LAMC1: variants seen among roughly 807,000 people sequenced by gnomAD.
LAMC1 encodes laminin subunit gamma 1.
In LAMC1, 38 loss-of-function variants were observed where a neutral mutation model predicts 173.6. The observed-to-expected ratio is 0.22, with a 90% CI of 0.17 to 0.29. The LOEUF is 0.29. Ranked by LOEUF, LAMC1 falls within the 10% of genes least tolerant of loss-of-function variation. The pLI, the probability that LAMC1 is intolerant of heterozygous loss-of-function variation, is 1.00. For synonymous variants in LAMC1, 746 were observed against 749.1 expected, an observed-to-expected ratio of 1.00 and a Z score of 0.07; for missense variants, 1,824 against 2,051.8, an observed-to-expected ratio of 0.89 and a Z score of 2.14.
At chr1:183,069,388 CTT>C (rs1291728257) in intron 1 of LAMC1, among the ~76,000 whole-genome samples, 1 of 152,074 alleles carries the variant, frequency 6.6e-6, no homozygotes, top group Non-Finnish European at 1.5e-5. Flanking sequence ...ATATGTAAAA[CTT>C]AATTATTAAA....
At chr1:183,115,711 C>A in intron 6 of LAMC1, 74 bp downstream of exon 6, 1 of 991,514 alleles carries the variant, frequency 1.0e-6, no homozygotes. Context: ...GATCTTATGG[C>A]TTATTGGCAG....
chr1:183,037,104 G>A (rs1306717629), intron 1 of LAMC1, among the ~76,000 whole-genome samples: 1 of 152,220 alleles, frequency 6.6e-6, no homozygotes, highest in Admixed American at 6.5e-5. Context: ...TGGAAGACTT[G>A]TAGGTTTTGG....
chr1:183,080,662 A>G (rs1335607515), intron 1 of LAMC1, among the ~76,000 whole-genome samples: 3 of 151,164 alleles, frequency 2.0e-5, no homozygotes, highest in African/African-American at 7.3e-5. Context: ...TTTTTTCCAT[A>G]CTCAGTAGCT....
At chr1:183,055,114 G>A (rs1654550706) in intron 1 of LAMC1, among the ~76,000 whole-genome samples, 2 of 151,098 alleles carry the variant, frequency 1.3e-5, no homozygotes, top group South Asian at 2.1e-4. Context: ...TCAGCCTCCC[G>A]AGTAGCTGGG....
rs143980350 is a variant in LAMC1, at chr1:183,027,619, T to C, written c.418+3485T>C. Among the ~76,000 whole-genome samples the C allele has an allele frequency of 2.1e-3, 314 of 152,320 alleles. 3 individuals carry two copies. Among genetic ancestry groups the C allele is most frequent in the African/African-American group, 7.3e-3 (304 of 41,568 alleles). ...TCAAAGTTTATGAAACTCCTAAAAT[T>C]AACACTGAAACCAGATTAGTTTCCA... On this transcript the variant is annotated intron_variant, in intron 1 of 27. Transcript: ENST00000258341.
chr1:183,055,201 G>A (rs1014746862), intron 1 of LAMC1, among the ~76,000 whole-genome samples: 1 of 151,398 alleles, frequency 6.6e-6, no homozygotes, highest in African/African-American at 2.4e-5. Flanking sequence ...TGTTGGCCAG[G>A]CTGGTCTCGA....
chr1:183,130,005 T>C (rs1436222448), intron 18 of LAMC1, among the ~76,000 whole-genome samples: 6 of 152,248 alleles, frequency 3.9e-5, no homozygotes, highest in Non-Finnish European at 8.8e-5. Flanking sequence ...CTAAATTGCA[T>C]GTGCTGGTAT....
chr1:183,047,444 C>T (rs1654294379), intron 1 of LAMC1, among the ~76,000 whole-genome samples: 1 of 152,078 alleles, frequency 6.6e-6, no homozygotes, highest in African/African-American at 2.4e-5. Flanking sequence ...GCATTTTAAG[C>T]TCTTTTGTCT....
chr1:183,077,776 G>GTGTGTGTGTGTATA, intron 1 of LAMC1, among the ~76,000 whole-genome samples: 171 of 116,456 alleles, frequency 1.5e-3, no homozygotes, highest in South Asian at 3.9e-3. Flanking sequence ...TGGCCATTGT[G>GTGTGTGTGTGTATA]TATATATATA....
intron 1 of LAMC1, among the ~76,000 whole-genome samples, chr1:183,071,928 T>C (rs1192776492): frequency 1.3e-5 from 2 of 152,224 alleles, no homozygotes; most frequent in Non-Finnish European, 2.9e-5. Context: ...TGTCAACTTC[T>C]GAAACAATGA....
chr1:183,116,314 T>C (rs1402082516), intron 6 of LAMC1, among the ~76,000 whole-genome samples: 1 of 150,958 alleles, frequency 6.6e-6, no homozygotes, highest in East Asian at 2.0e-4. Flanking sequence ...CTGTCTCTAC[T>C]AAAAATACAA....
chr1:183,085,484 A>G lies in LAMC1; in HGVS notation c.419-17844A>G, dbSNP rs1655402465. On this transcript the variant is annotated intron_variant, in intron 1 of 27. Transcript: ENST00000258341. ...CTCAAGGGATCCTCCCACCTTAGCC[A>G]CCTGAGGAGCTCGGACCACAGGTGC... 2.6e-5 allele frequency among the ~76,000 whole-genome samples: 4 copies of G among 151,588 alleles called. No homozygotes were observed. The South Asian group carries it at 8.3e-4, about 32-fold the overall frequency.
chr1:183,030,202 T>C (rs983210479), intron 1 of LAMC1, among the ~76,000 whole-genome samples: 1 of 152,062 alleles, frequency 6.6e-6, no homozygotes, highest in Non-Finnish European at 1.5e-5. Flanking sequence ...AAGGGCAGAG[T>C]TGAGTAATAG....
At chr1:183,093,197 CAAT>C (rs1159748888) in intron 1 of LAMC1, among the ~76,000 whole-genome samples, 1 of 152,112 alleles carries the variant, frequency 6.6e-6, no homozygotes, top group Non-Finnish European at 1.5e-5. Flanking sequence ...TACCTGTCTC[CAAT>C]GCCCCCTTCC....
At chr1:183,113,099 C>G (rs1656210242) in intron 4 of LAMC1, among the ~76,000 whole-genome samples, 2 of 152,128 alleles carry the variant, frequency 1.3e-5, no homozygotes, top group African/African-American at 4.8e-5. Flanking sequence ...TCACTTGAGC[C>G]TGGGAGTTTG....
rs551434051 is a variant in LAMC1, at chr1:183,073,144, A to C, written c.419-30184A>C. Among the ~76,000 whole-genome samples the C allele has an allele frequency of 1.1e-4, 17 of 152,300 alleles. No individual in the cohort carries two copies. In the East Asian group the frequency reaches 2.1e-3, roughly 19 times the overall value. On this transcript the variant is annotated intron_variant, in intron 1 of 27. Transcript: ENST00000258341. ...TTGTAACATCATTGCTTGGTGTTTT[A>C]GTAGCATTAAGACTTAAGTTTTGCT...
chr1:183,133,371 A>G, intron 21 of LAMC1, 35 bp from the exon 22 acceptor site: 2 of 1,580,550 alleles, frequency 1.3e-6, no homozygotes, highest in Admixed American at 3.4e-5. Context: ...AAAAGCAGCT[A>G]AGATTGTCAT....
At chr1:183,062,104 G>A (rs906032783) in intron 1 of LAMC1, among the ~76,000 whole-genome samples, 7 of 152,162 alleles carry the variant, frequency 4.6e-5, no homozygotes, top group Non-Finnish European at 8.8e-5. Context: ...AGTTATATAC[G>A]TTTATTGTAT....
chr1:183,070,109 C>G (rs531869505), intron 1 of LAMC1, among the ~76,000 whole-genome samples: 9 of 152,314 alleles, frequency 5.9e-5, no homozygotes, highest in Admixed American at 5.2e-4. Context: ...GTAAGAGATT[C>G]TTAGACTTGA....
Sources: gnomAD v4.1 joint callset for allele counts (sites outside exome capture counted in the v4.1 genomes callset) on GRCh38, gnomAD v4.1.1 for gene constraint, MANE v1.5 for transcripts, NCBI Gene and HGNC (gene_info 2026-07-23, HGNC 2026-07-21) for gene names.